The following HSP90B1 variants were observed in gnomAD, a reference collection of about 807,000 sequenced individuals.
HSP90B1 encodes the protein endoplasmin.
HSP90B1 carries 27 observed loss-of-function variants against 100.4 expected under a neutral mutation model. The ratio of observed to expected loss-of-function variants is 0.27; its 90% CI spans 0.20 to 0.37. HSP90B1 has a LOEUF of 0.37. Among genes scored for constraint, HSP90B1 ranks in the 10% least tolerant of loss-of-function variants. The pLI, the probability that HSP90B1 is intolerant of heterozygous loss-of-function variation, is 1.00. For missense variants in HSP90B1, 678 were observed against 960.5 expected (o/e 0.71, Z 3.89); for synonymous variants, 304 against 330.8 (o/e 0.92, Z 0.88).
At chr12:103,940,233 G>A (rs929272818) in intron 8 of HSP90B1, among the ~76,000 whole-genome samples, 1 of 152,110 alleles carries the variant, frequency 6.6e-6, no homozygotes, top group Admixed American at 6.5e-5. Flanking sequence ...ATGTTGTTAA[G>A]TGGCTTTTAA....
Position 103,934,046 on chromosome 12 carries a change from A to G in HSP90B1, c.502A>G (p.Lys168Glu), listed in dbSNP as rs1869836538. The G allele has an allele frequency of 6.2e-7, 1 of 1,614,248 alleles. No individual in the cohort carries two copies. The highest frequency in any genetic ancestry group is 2.2e-5 in the East Asian group (1 of 44,892). ...GGTTAAAAACCTTGGTACCATAGCC[A>G]AATCTGGGACAAGCGAGTTTTTAAA... ...ELVKNLGTIA[K>E]SGTSEFLNKM... Residue 168 changes from lysine (K) to glutamate (E), a missense_variant, in exon 5 of 18, where the codon AAA becomes GAA. Physicochemically the swap from Lys to Glu is moderately conservative, Grantham distance 56 (BLOSUM62 1). Transcript: ENST00000299767.
chr12:103,932,930 A>G lies in HSP90B1; in HGVS notation c.399A>G (p.Thr133=). The G allele has an allele frequency of 6.5e-7, 1 of 1,534,010 alleles. No individual in the cohort carries two copies. Among genetic ancestry groups the G allele is most frequent in the Non-Finnish European group, 9.0e-7 (1 of 1,107,332 alleles). Residue 133 remains threonine (T), a synonymous_variant, in exon 4 of 18, where the codon ACA becomes ACG. Transcript: ENST00000299767. The part of the protein sequence containing the change: ...ENALSGNEEL[T]VKIKCDKEKN... ...CTCTTTCTGGAAATGAGGAACTAAC[A>G]GTCAAAATTAAGGTAAGTGTAAGGC... is the stretch of plus-strand genomic sequence containing the variant.
Position 103,939,497 on chromosome 12 carries a change from T to C in HSP90B1, c.976-12T>C, listed in dbSNP as rs570023365. On this transcript the variant is annotated splice_polypyrimidine_tract_variant and intron_variant, in intron 7 of 17. Transcript: ENST00000299767. The stretch of plus-strand genomic sequence containing the variant: ...GCTGAGAGAGACTAATCAAATACTA[T>C]AATAACTTCAGGTTGAAAAAACTGT... 373 of 1,287,104 alleles carry C rather than the reference T, an allele frequency of 2.9e-4. 8 individuals are homozygous for C. The South Asian group carries it at 4.8e-3, about 17-fold the overall frequency. 79.7% of individuals were successfully genotyped at this position (1,287,104 alleles called of 1,614,324 possible). A position where few individuals can be genotyped will look rare whatever the true frequency, so the allele number is the denominator to read the frequency against.
At position 103,937,776 on chromosome 12, in the gene HSP90B1, A is replaced by T; in HGVS notation, c.825A>T (p.Ile275=). Residue 275 remains isoleucine (I), a synonymous_variant, in exon 6 of 18, where the codon ATA becomes ATT. Coordinates refer to ENST00000299767, the MANE Select transcript of HSP90B1 (RefSeq NM_003299.3). ...TCGTCAAAAAATATTCACAGTTCAT[A>T]AACTTTCCTATTTATGTATGGAGCA... ...KNLVKKYSQF[I]NFPIYVWSSK... The T allele has an allele frequency of 6.4e-7, 1 of 1,564,122 alleles. No homozygotes were observed. Among genetic ancestry groups the T allele is most frequent in the Non-Finnish European group, 8.8e-7 (1 of 1,135,962 alleles).
chr12:103,946,744 G>A (rs754285734), intron 15 of HSP90B1, 42 bp from the exon 16 acceptor site: 2 of 1,612,868 alleles, frequency 1.2e-6, no homozygotes, highest in Admixed American at 3.3e-5. Context: ...TGAGTACTTT[G>A]TATCTTTTAA....
intron 14 of HSP90B1, among the ~76,000 whole-genome samples, chr12:103,946,068 C>G (rs1870217992): frequency 6.6e-6 from 1 of 152,102 alleles, no homozygotes. Context: ...GCACATCTTC[C>G]CATGTACTTT....
chr12:103,938,057 G>C (rs552574212), intron 6 of HSP90B1, among the ~76,000 whole-genome samples: 10 of 151,978 alleles, frequency 6.6e-5, no homozygotes, highest in African/African-American at 2.4e-4. Context: ...TGTAATCCCA[G>C]CTACTCGGGA....
intron 17 of HSP90B1, 100 bp from the exon 18 acceptor site, chr12:103,947,533 A>G (rs1870274095): frequency 3.1e-6 from 5 of 1,592,670 alleles, no homozygotes; most frequent in Non-Finnish European, 4.3e-6. Flanking sequence ...CAGAAGTCAG[A>G]CTGAGCATTT....
chr12:103,946,639 A>C lies in HSP90B1; in HGVS notation c.2049A>C (p.Lys683Asn). 1 of 1,613,910 alleles carries C rather than the reference A, an allele frequency of 6.2e-7. No individual in the cohort carries two copies. Among genetic ancestry groups the C allele is most frequent in the Non-Finnish European group, 8.5e-7 (1 of 1,179,778 alleles). Residue 683 changes from lysine to asparagine, a missense_variant, in exon 15 of 18, where the codon AAA (lysine) becomes AAC (asparagine). Physicochemically the swap from Lys to Asn is moderately conservative, Grantham distance 94. Coordinates refer to ENST00000299767, the MANE Select transcript of HSP90B1 (RefSeq NM_003299.3). The part of the protein sequence containing the change: ...ISTNYYASQK[K>N]TFEINPRHPL... ...ACAGTTACTATGCGAGTCAGAAGAA[A>C]ACATTTGAAATTAATCCCAGACACC...
At chr12:103,944,566 T>C (rs1287925726) in intron 14 of HSP90B1, among the ~76,000 whole-genome samples, 3 of 151,964 alleles carry the variant, frequency 2.0e-5, no homozygotes, top group Admixed American at 6.6e-5. Flanking sequence ...TTCTTTTTTT[T>C]TTTCCCCCGA....
chr12:103,946,704 T>G lies in HSP90B1; in HGVS notation c.2106+8T>G. ...ATGCTTCGACGAATTAAGGTAGTATTAAAGCAGTCCTCTTGCTTGTCTTTT... is the reference window on the plus strand; with the variant it reads ...ATGCTTCGACGAATTAAGGTAGTATGAAAGCAGTCCTCTTGCTTGTCTTTT... On this transcript the variant is annotated splice_region_variant and intron_variant, in intron 15 of 17. Transcript: ENST00000299767. The G allele has an allele frequency of 1.2e-6, 2 of 1,613,430 alleles. No individual in the cohort carries two copies. Among genetic ancestry groups the G allele is most frequent in the East Asian group, 4.5e-5 (2 of 44,880 alleles).
At position 103,942,790 on chromosome 12, in the gene HSP90B1, A is replaced by G. The variant is rs571138580; in HGVS notation, c.1638A>G (p.Arg546=). 1 of 1,613,800 alleles carries G rather than the reference A, an allele frequency of 6.2e-7. No homozygotes were observed. Among genetic ancestry groups the G allele is most frequent in the Admixed American group, 1.7e-5 (1 of 60,004 alleles). ...TCTACTTCATGGCTGGGTCCAGCAG[A>G]AAAGAGGTGAGATGAACTCATAAGT... ...DKIYFMAGSS[R]KEAESSPFVE... is the part of the protein sequence containing the mutation. Residue 546 remains arginine (R), a synonymous_variant, in exon 12 of 18, where the codon AGA becomes AGG. Transcript: ENST00000299767.
Position 103,937,749 on chromosome 12 carries a change from T to C in HSP90B1, c.798T>C (p.Asn266=), listed in dbSNP as rs1439060434. The change falls in exon 6 of 18, where the codon AAT becomes AAC. Residue 266 remains asparagine, a synonymous_variant. Transcript: ENST00000299767. ...ACCTTGAATTGGATACAATTAAAAA[T>C]CTCGTCAAAAAATATTCACAGTTCA... ...SDYLELDTIK[N]LVKKYSQFIN... The C allele has an allele frequency of 6.3e-7, 1 of 1,599,048 alleles. No homozygotes were observed. The highest frequency in any genetic ancestry group is 8.6e-7 in the Non-Finnish European group (1 of 1,167,686).
intron 5 of HSP90B1, among the ~76,000 whole-genome samples, chr12:103,935,710 C>T (rs1301380476): frequency 1.3e-5 from 2 of 152,126 alleles, no homozygotes; most frequent in Non-Finnish European, 2.9e-5. Context: ...AAGAGTTATG[C>T]CCCAGTGCCC....
chr12:103,932,532 C>A, intron 3 of HSP90B1, 114 bp downstream of exon 3: 1 of 830,018 alleles, frequency 1.2e-6, no homozygotes, highest in Non-Finnish European at 1.9e-6. Context: ...AGGTAACAAC[C>A]TTTAAATACC....
rs148484461 is a variant in HSP90B1 at position 103,931,191 on chromosome 12, G to A, written c.50-330G>A. On this transcript the variant is annotated intron_variant, in intron 1 of 17. Coordinates refer to ENST00000299767, the MANE Select transcript of HSP90B1 (RefSeq NM_003299.3). ...CCGAAGTTTTGGCTTGATCAGTTGG[G>A]AGGCCTTGGCTCGGCCTGCGCGCAA... 5.0e-3 allele frequency among the ~76,000 whole-genome samples: 754 copies of A among 152,292 alleles called. 5 individuals carry two copies. Among genetic ancestry groups the A allele is most frequent in the African/African-American group, 0.017 (711 of 41,550 alleles).
At position 103,930,663 on chromosome 12, in the gene HSP90B1, C is replaced by A; in HGVS notation, c.49+99C>A. 5 of 1,158,048 alleles carry A rather than the reference C, an allele frequency of 4.3e-6. No individual in the cohort carries two copies. The highest frequency in any genetic ancestry group is 6.2e-6 in the Non-Finnish European group (5 of 808,974). 71.7% of individuals were successfully genotyped at this position (1,158,048 alleles called of 1,614,324 possible). On this transcript the variant is annotated intron_variant, in intron 1 of 17. Coordinates refer to ENST00000299767, the MANE Select transcript of HSP90B1 (RefSeq NM_003299.3). This position sits in a 1 kb window ranked among gnomAD's most constrained non-coding sequence, Gnocchi z 4.4. ...AACGTGGGAGGGGGGATCCCGGGGCCTGCGGTGGGCCAAGGGACGTCACCA... is the reference window on the plus strand; with the variant it reads ...AACGTGGGAGGGGGGATCCCGGGGCATGCGGTGGGCCAAGGGACGTCACCA...
At position 103,930,989 on chromosome 12, in the gene HSP90B1, C is replaced by T. The variant is rs1467448857; in HGVS notation, c.49+425C>T. On this transcript the variant is annotated intron_variant, in intron 1 of 17. Coordinates refer to ENST00000299767, the MANE Select transcript of HSP90B1 (RefSeq NM_003299.3). The surrounding 1 kb of genome is among the most constrained non-coding windows in gnomAD (Gnocchi z 4.4). ...CCCGTGTCCCTTCTTAGATGCTGGC[C>T]TCGGGAGCGTGAGGCCTGGGGCCAG... Among the ~76,000 whole-genome samples, 1 of 152,156 alleles carries T rather than the reference C, an allele frequency of 6.6e-6. No individual in the cohort carries two copies. The highest frequency in any genetic ancestry group is 1.5e-5 in the Non-Finnish European group (1 of 68,030).
In HSP90B1 at chr12:103,947,753, TAATC is replaced by T; in HGVS notation, c.*92_*95del. On this transcript the variant is annotated 3_prime_UTR_variant, in exon 18 of 18. Coordinates refer to ENST00000299767, the MANE Select transcript of HSP90B1 (RefSeq NM_003299.3). The stretch of plus-strand genomic sequence containing the variant: ...GGAGAGACTTGTTTTGGATGCCCCC[TAATC>T]CCCTTCTCCCCTGCACTGTAAAATG... The T allele has an allele frequency of 9.2e-7, 1 of 1,084,864 alleles. No individual in the cohort carries two copies. Among genetic ancestry groups the T allele is most frequent in the Non-Finnish European group, 1.4e-6 (1 of 698,750 alleles). 67.2% of individuals were successfully genotyped at this position (1,084,864 alleles called of 1,614,324 possible). A position where few individuals can be genotyped will look rare whatever the true frequency, so the allele number is the denominator to read the frequency against.
Sources: allele counts gnomAD v4.1 joint callset (sites outside exome capture counted in the v4.1 genomes callset), GRCh38; gene constraint gnomAD v4.1.1; non-coding constraint Gnocchi (gnomAD v3.1); transcripts MANE v1.5; gene names NCBI Gene and HGNC (gene_info 2026-07-23, HGNC 2026-07-21).